The following KIAA1328 variants were observed in gnomAD, a reference collection of about 807,000 sequenced individuals.
KIAA1328 encodes protein hinderin.
A neutral mutation model predicts 68.1 loss-of-function variants in KIAA1328; 52 were observed. The ratio of observed to expected loss-of-function variants is 0.76; its 90% CI spans 0.61 to 0.96. The LOEUF is 0.96. Among genes scored for constraint, KIAA1328 ranks in the 40% least tolerant of loss-of-function variants. The probability of loss-of-function intolerance (pLI) is 0.00; values close to 1 mark genes in which losing one functional copy is unlikely to be tolerated. For synonymous variants in KIAA1328, 232 were observed against 239.4 expected (o/e 0.97, Z 0.28); for missense variants, 641 against 677.6 (o/e 0.95, Z 0.60).
At chr18:37,156,264 G>A (rs192252801) in intron 7 of KIAA1328, among the ~76,000 whole-genome samples, 36 of 151,542 alleles carry the variant, frequency 2.4e-4, no homozygotes, top group Admixed American at 8.5e-4. Flanking sequence ...AAAGTTAGCC[G>A]GGCATGTAAC....
chr18:36,944,087 A>G (rs1390373214), intron 5 of KIAA1328, among the ~76,000 whole-genome samples: 1 of 152,214 alleles, frequency 6.6e-6, no homozygotes, highest in Non-Finnish European at 1.5e-5. Flanking sequence ...GAAGAATTGG[A>G]TGTTTATCAA....
intron 6 of KIAA1328, among the ~76,000 whole-genome samples, chr18:36,979,372 A>G (rs755789320): frequency 3.3e-5 from 5 of 152,094 alleles, no homozygotes; most frequent in Non-Finnish European, 5.9e-5. Flanking sequence ...AATCTAGTCT[A>G]AATCAATGTC....
At chr18:37,081,065 C>G (rs1414895337) in intron 7 of KIAA1328, among the ~76,000 whole-genome samples, 3 of 152,010 alleles carry the variant, frequency 2.0e-5, no homozygotes, top group African/African-American at 7.2e-5. Context: ...ACTGCAACCT[C>G]TGGCTCCCAG....
intron 6 of KIAA1328, among the ~76,000 whole-genome samples, chr18:37,048,751 C>G (rs113927722): frequency 4.7e-4 from 72 of 152,186 alleles, no homozygotes; most frequent in African/African-American, 1.7e-3. Context: ...AACTTTTTAT[C>G]AGTCTGTAAA....
At chr18:36,944,427 A>G (rs938999561) in intron 5 of KIAA1328, among the ~76,000 whole-genome samples, 12 of 152,052 alleles carry the variant, frequency 7.9e-5, no homozygotes, top group African/African-American at 2.7e-4. Flanking sequence ...AAACACAAAA[A>G]TATTAGCCAG....
intron 7 of KIAA1328, among the ~76,000 whole-genome samples, chr18:37,153,282 T>C (rs2059077986): frequency 6.6e-6 from 1 of 152,268 alleles, no homozygotes; most frequent in Non-Finnish European, 1.5e-5. Flanking sequence ...ACCCCCACTC[T>C]TAAACTCACT....
intron 3 of KIAA1328, among the ~76,000 whole-genome samples, chr18:36,841,976 T>C (rs1197509701): frequency 6.6e-6 from 1 of 152,166 alleles, no homozygotes; most frequent in Non-Finnish European, 1.5e-5. Context: ...TTTCTTTATG[T>C]TGTATGTAGT....
At chr18:37,164,524 C>T (rs1416649149) in intron 8 of KIAA1328, among the ~76,000 whole-genome samples, 4 of 152,060 alleles carry the variant, frequency 2.6e-5, no homozygotes, top group African/African-American at 9.7e-5. Context: ...GCAGGCGGAT[C>T]ACCTGATGTC....
intron 7 of KIAA1328, among the ~76,000 whole-genome samples, chr18:37,096,021 C>T (rs574770659): frequency 3.3e-5 from 5 of 151,592 alleles, no homozygotes; most frequent in Non-Finnish European, 7.4e-5. Context: ...AATTAAGGCC[C>T]GAACTGGGTG....
chr18:36,921,681 G>A (rs987706740), intron 5 of KIAA1328, among the ~76,000 whole-genome samples: 23 of 152,122 alleles, frequency 1.5e-4, no homozygotes, highest in Non-Finnish European at 2.9e-5. Context: ...TGGGAATACA[G>A]GCGTGAGCCA....
At chr18:37,045,438 T>C (rs1158284389) in intron 6 of KIAA1328, among the ~76,000 whole-genome samples, 1 of 152,214 alleles carries the variant, frequency 6.6e-6, no homozygotes, top group Non-Finnish European at 1.5e-5. Flanking sequence ...TCTTTGGTCT[T>C]CATTTCAAAT....
At chr18:37,226,818 A>G (rs1432604306), downstream of KIAA1328, among the ~76,000 whole-genome samples, 1 of 140,140 alleles carries the variant, frequency 7.1e-6, no homozygotes, top group Non-Finnish European at 1.5e-5. Context: ...CCTAGGCTGG[A>G]GTGCAATGGC....
At chr18:37,142,134 A>G (rs927126801) in intron 7 of KIAA1328, among the ~76,000 whole-genome samples, 5 of 152,156 alleles carry the variant, frequency 3.3e-5, no homozygotes, top group Non-Finnish European at 7.4e-5. Context: ...TATGATCTAT[A>G]TTAAGTACAT....
At chr18:36,851,139 CTTGTATTCCTGAGATAAATACCAA>C (rs948549513) in intron 4 of KIAA1328, among the ~76,000 whole-genome samples, 2 of 151,968 alleles carry the variant, frequency 1.3e-5, no homozygotes, top group Non-Finnish European at 1.5e-5. Flanking sequence ...TTGAATCATC[CTTGTATTCCTGAGATAAATACCAA>C]TTGGTTATGT....
intron 8 of KIAA1328, among the ~76,000 whole-genome samples, chr18:37,168,794 A>G (rs1448896786): frequency 1.3e-5 from 2 of 152,192 alleles, no homozygotes; most frequent in Admixed American, 6.5e-5. Context: ...TAGTGCTGCC[A>G]GGGCTTGCTT....
At chr18:37,193,991 G>C (rs1395954596) in intron 9 of KIAA1328, among the ~76,000 whole-genome samples, 2 of 152,088 alleles carry the variant, frequency 1.3e-5, no homozygotes, top group Non-Finnish European at 2.9e-5. Context: ...TTATATGCAC[G>C]TACCACAATG....
intron 7 of KIAA1328, among the ~76,000 whole-genome samples, chr18:37,142,347 A>G (rs1299239135): frequency 6.6e-6 from 1 of 151,850 alleles, no homozygotes; most frequent in Non-Finnish European, 1.5e-5. Flanking sequence ...GCACACCACC[A>G]CACCTGGCTA....
chr18:36,893,299 A>C (rs767312883), intron 5 of KIAA1328, among the ~76,000 whole-genome samples: 15 of 151,696 alleles, frequency 9.9e-5, no homozygotes, highest in Non-Finnish European at 1.9e-4. Flanking sequence ...TTGAGATAGA[A>C]TCTTGCTGTG....
chr18:37,148,948 G>T (rs1413392790), intron 7 of KIAA1328, among the ~76,000 whole-genome samples: 1 of 152,094 alleles, frequency 6.6e-6, no homozygotes, highest in African/African-American at 2.4e-5. Flanking sequence ...AGTTTCCTTT[G>T]CTGTGCAGAA....
Sources: allele counts gnomAD v4.1 joint callset (sites outside exome capture counted in the v4.1 genomes callset), GRCh38; gene constraint gnomAD v4.1.1; transcripts MANE v1.5; gene names NCBI Gene and HGNC (gene_info 2026-07-23, HGNC 2026-07-21).